Variants in GADL1 observed in about 807,000 individuals in gnomAD.
GADL1 encodes the protein acidic amino acid decarboxylase GADL1.
A neutral mutation model predicts 69.5 loss-of-function variants in GADL1; 71 were observed. That is an observed-to-expected ratio of 1.02 (90% CI 0.84 to 1.25). The LOEUF (loss-of-function observed/expected upper bound fraction) is 1.25, where lower values mean the gene tolerates loss of function less well. GADL1 is among the 50% of genes most tolerant of loss of function. The pLI is 0.00. For missense variants in GADL1, 737 were observed against 631.8 expected (o/e 1.17, Z -1.79); for synonymous variants, 254 against 214.4 (o/e 1.18, Z -1.62).
At chr3:30,874,623 C>A (rs1298533437) in intron 1 of GADL1, among the ~76,000 whole-genome samples, 1 of 151,922 alleles carries the variant, frequency 6.6e-6, no homozygotes, top group Non-Finnish European at 1.5e-5. Context: ...TAAAGATTCA[C>A]CAGATCCACT....
chr3:30,805,068 C>T (rs1697227741), intron 11 of GADL1, among the ~76,000 whole-genome samples: 1 of 152,208 alleles, frequency 6.6e-6, no homozygotes, highest in Non-Finnish European at 1.5e-5. Context: ...ATCACAACAC[C>T]TAACCTAGCG....
intron 14 of GADL1, among the ~76,000 whole-genome samples, chr3:30,736,712 T>C (rs554587553): frequency 6.6e-6 from 1 of 152,310 alleles, no homozygotes; most frequent in East Asian, 1.9e-4. Context: ...ATGCCATTAA[T>C]CTTCCATTTA....
chr3:30,830,501 TCACTCTTTCTGGTCTTCCCAC>T (rs1697769852), intron 11 of GADL1, among the ~76,000 whole-genome samples: 1 of 151,972 alleles, frequency 6.6e-6, no homozygotes, highest in South Asian at 2.1e-4. Context: ...CTGGTTAGCA[TCACTCTTTCTGGTCTTCCCAC>T]CATCTCCCTG....
At chr3:30,761,061 T>C (rs711682) in intron 14 of GADL1, among the ~76,000 whole-genome samples, 130,803 of 152,228 alleles carry the variant, frequency 0.86, 56,778 homozygotes, top group African/African-American at 0.96. Flanking sequence ...GTATTGTATA[T>C]TTTGAATGGA....
chr3:30,873,301 C>G lies in GADL1; in HGVS notation c.38-11536G>C, dbSNP rs1460708846. On this transcript the variant is annotated intron_variant, in intron 1 of 14. Transcript: ENST00000282538. The stretch of plus-strand genomic sequence containing the variant: ...TATATACATATATATGAGGTTATTT[C>G]ATTTAATCCTCATAACTGCCTTATG... Among the ~76,000 whole-genome samples, 3 of 151,972 alleles carry G rather than the reference C, an allele frequency of 2.0e-5. No homozygotes were observed. In the East Asian group the frequency reaches 5.8e-4, roughly 30 times the overall value.
intron 14 of GADL1, among the ~76,000 whole-genome samples, chr3:30,736,080 C>T (rs956048246): frequency 6.6e-6 from 1 of 151,974 alleles, no homozygotes; most frequent in Non-Finnish European, 1.5e-5. Flanking sequence ...ATTCCATGCT[C>T]TCAATGTTTA....
chr3:30,827,824 C>T (rs1697708027), intron 11 of GADL1, among the ~76,000 whole-genome samples: 1 of 151,866 alleles, frequency 6.6e-6, no homozygotes, highest in Non-Finnish European at 1.5e-5. Context: ...TTTCTGAGCT[C>T]AAGCAAGAAC....
At chr3:30,865,349 T>C (rs1178624363) in intron 1 of GADL1, among the ~76,000 whole-genome samples, 1 of 151,752 alleles carries the variant, frequency 6.6e-6, no homozygotes, top group Non-Finnish European at 1.5e-5. Flanking sequence ...TTAAGCTCTG[T>C]GAGAGCATGA....
chr3:30,772,386 T>C (rs1048169783), intron 14 of GADL1, among the ~76,000 whole-genome samples: 5 of 152,182 alleles, frequency 3.3e-5, no homozygotes, highest in Admixed American at 2.6e-4. Flanking sequence ...ATAAGAAATA[T>C]TCTACATCAG....
chr3:30,774,740 G>A (rs1171540585), intron 14 of GADL1, among the ~76,000 whole-genome samples: 3 of 151,938 alleles, frequency 2.0e-5, no homozygotes, highest in Admixed American at 6.6e-5. Flanking sequence ...TTTCATTTTA[G>A]GAGAGTAAAG....
chr3:30,828,866 T>C (rs745696784), intron 11 of GADL1, among the ~76,000 whole-genome samples: 6 of 151,926 alleles, frequency 3.9e-5, no homozygotes, highest in Non-Finnish European at 8.8e-5. Context: ...AAAAGCATTA[T>C]GAAAGCTAAC....
intron 11 of GADL1, among the ~76,000 whole-genome samples, chr3:30,827,180 TTTAA>T (rs1697695062): frequency 6.6e-6 from 1 of 151,438 alleles, no homozygotes; most frequent in African/African-American, 2.4e-5. Context: ...GGAAACATTT[TTTAA>T]TTGAGAATTA....
At chr3:30,889,574 G>A (rs192597417) in intron 1 of GADL1, among the ~76,000 whole-genome samples, 4 of 152,294 alleles carry the variant, frequency 2.6e-5, no homozygotes, top group African/African-American at 7.2e-5. Context: ...TGTATTTAAC[G>A]TGGCAACATG....
chr3:30,773,042 CAT>C (rs1328535234), intron 14 of GADL1, among the ~76,000 whole-genome samples: 3 of 152,034 alleles, frequency 2.0e-5, no homozygotes, highest in Non-Finnish European at 2.9e-5. Flanking sequence ...GGAGGAATGA[CAT>C]ATTGGACACA....
intron 14 of GADL1, among the ~76,000 whole-genome samples, chr3:30,775,029 G>C (rs1214615444): frequency 1.3e-5 from 2 of 152,194 alleles, no homozygotes; most frequent in African/African-American, 2.4e-5. Context: ...TAATGAGTGA[G>C]AGTCAGAGGA....
chr3:30,769,446 C>T (rs150713992), intron 14 of GADL1, among the ~76,000 whole-genome samples: 302 of 152,208 alleles, frequency 2.0e-3, no homozygotes, highest in Middle Eastern at 3.4e-3. Context: ...GAGGATGATT[C>T]CTATCTGTAG....
At chr3:30,750,557 G>A (rs1246982751) in intron 14 of GADL1, among the ~76,000 whole-genome samples, 1 of 152,156 alleles carries the variant, frequency 6.6e-6, no homozygotes, top group Non-Finnish European at 1.5e-5. Flanking sequence ...TGTGGAAAGA[G>A]TACCAGTTGA....
chr3:30,798,174 T>C (rs570835908), intron 12 of GADL1: 6 of 152,506 alleles, frequency 3.9e-5, no homozygotes, highest in African/African-American at 1.2e-4. Context: ...CAGACTTTTG[T>C]GTCACCTCAC....
chr3:30,815,982 A>G (rs971303236), intron 11 of GADL1, among the ~76,000 whole-genome samples: 4 of 152,130 alleles, frequency 2.6e-5, no homozygotes, highest in Admixed American at 2.6e-4. Flanking sequence ...CCTCGTCTGT[A>G]CAGTGGGAAG....
Sources: allele counts gnomAD v4.1 joint callset (sites outside exome capture counted in the v4.1 genomes callset), GRCh38; gene constraint gnomAD v4.1.1; transcripts MANE v1.5; gene names NCBI Gene and HGNC (gene_info 2026-07-23, HGNC 2026-07-21).